The following ABCC2 variants were observed in gnomAD, a reference collection of about 807,000 sequenced individuals.
ABCC2 encodes ATP binding cassette subfamily C member 2.
A neutral mutation model predicts 173.4 loss-of-function variants in ABCC2; 157 were observed. The ratio of observed to expected loss-of-function variants is 0.91; its 90% confidence interval spans 0.80 to 1.03. The LOEUF (loss-of-function observed/expected upper bound fraction) is 1.03, where lower values mean the gene tolerates loss of function less well. Ranked by LOEUF, ABCC2 falls within the 50% of genes least tolerant of loss-of-function variation. ABCC2 has a pLI of 0.00. For missense variants in ABCC2, 1,822 were observed against 1,852.3 expected (o/e 0.98, Z 0.30); for synonymous variants, 657 against 693.5 (o/e 0.95, Z 0.83).
rs763375000 is a variant in ABCC2 at position 99,842,015 on chromosome 10, T to G, written c.3663T>G (p.Phe1221Leu). 6.2e-7 allele frequency: 1 copy of G among 1,614,228 alleles called. No homozygotes were observed. The highest frequency in any genetic ancestry group is 1.1e-5 in the South Asian group (1 of 91,084). ...TGGTTGGGAACCTGACTGTCTTCTT[T>G]TCAGCCTTGATGATGGTTATTTATA... ...LELVGNLTVF[F>L]SALMMVIYRD... The change falls in exon 26 of 32, where the codon TTT becomes TTG. Residue 1221 changes from phenylalanine to leucine, a missense_variant. By Grantham distance (22) the Phe-to-Leu change is conservative. Transcript: ENST00000647814.
rs1241190949 is a variant in ABCC2 at position 99,842,200 on chromosome 10, G to A, written c.3741+107G>A. On this transcript the variant is annotated intron_variant, in intron 26 of 31. Coordinates refer to ENST00000647814, the MANE Select transcript of ABCC2 (RefSeq NM_000392.5). Reference sequence around the variant, plus strand: ...TCTTGATTCCTTCTTAAACCCAGAGGGACTAAAGAAGACTGAGGTTCAAAC... The same window carrying A: ...TCTTGATTCCTTCTTAAACCCAGAGAGACTAAAGAAGACTGAGGTTCAAAC... The A allele has an allele frequency of 2.6e-6, 4 of 1,521,564 alleles. No individual in the cohort carries two copies. In the East Asian group the frequency reaches 9.1e-5, roughly 34 times the overall value. The allele number at this position is 1,521,564 out of a possible 1,614,324, so 94.3% of individuals were successfully genotyped here. A position where few individuals can be genotyped will look rare whatever the true frequency, so the allele number is the denominator to read the frequency against.
At chr10:99,792,162 C>A (rs1275349079) in intron 2 of ABCC2, 72 bp from the exon 3 acceptor site, 2 of 1,598,058 alleles carry the variant, frequency 1.3e-6, no homozygotes, top group South Asian at 1.1e-5. Context: ...TATCCATCAC[C>A]GGAAACCATT....
chr10:99,817,080 C>T (rs1198157194), intron 16 of ABCC2, among the ~76,000 whole-genome samples: 5 of 152,088 alleles, frequency 3.3e-5, no homozygotes, highest in Admixed American at 2.0e-4. Context: ...GGCTGAAAAA[C>T]GATAGTCCAA....
intron 4 of ABCC2, 35 bp downstream of exon 4, chr10:99,793,720 A>C: frequency 6.2e-7 from 1 of 1,613,770 alleles, no homozygotes; most frequent in Non-Finnish European, 8.5e-7. Context: ...ATGAGGAGGT[A>C]CCATGGGGCA....
intron 11 of ABCC2, among the ~76,000 whole-genome samples, chr10:99,806,077 C>CTCTCTGTGTGTGTGTGTGTGTG (rs10644836): frequency 3.2e-4 from 48 of 148,146 alleles, no homozygotes; most frequent in African/African-American, 1.2e-3. Context: ...CTCTCTCTGT[C>CTCTCTGTGTGTGTGTGTGTGTG]TGTGTGTGTG....
intron 3 of ABCC2, 126 bp downstream of exon 3, chr10:99,792,485 G>C: frequency 6.9e-7 from 1 of 1,442,928 alleles, no homozygotes. Flanking sequence ...TCCATAGTGA[G>C]GCAAAGCTTG....
rs1272618565 is a variant in ABCC2, at chr10:99,836,200, C to T, written c.3524C>T (p.Ala1175Val). 4 of 1,614,092 alleles carry T rather than the reference C, an allele frequency of 2.5e-6. No individual in the cohort carries two copies. Among genetic ancestry groups the T allele is most frequent in the Admixed American group, 3.3e-5 (2 of 60,002 alleles). Residue 1175 changes from alanine (A) to valine (V), a missense_variant, in exon 25 of 32, where the codon GCC becomes GTC. Coordinates refer to ENST00000647814, the MANE Select transcript of ABCC2 (RefSeq NM_000392.5). ...ETVSGLPVIRAFEHQQRFLKH... is the reference protein window; with the variant it reads ...ETVSGLPVIRVFEHQQRFLKH... ...GTATCAGGTTTGCCAGTTATCCGTG[C>T]CTTTGAGCACCAGCAGCGATTTCTG... is the stretch of plus-strand genomic sequence containing the variant.
rs1674661129 is a variant in ABCC2 at position 99,852,446 on chromosome 10, T to TA, written c.*818dup. On this transcript the variant is annotated 3_prime_UTR_variant, in exon 32 of 32. Transcript: ENST00000647814. ...GGCATTTGCATTTCCACTTGTTTTTTAAATATTGTGTCTGATAATTCCAAT... is the reference window on the plus strand; with the variant it reads ...GGCATTTGCATTTCCACTTGTTTTTTAAAATATTGTGTCTGATAATTCCAAT... Among the ~76,000 whole-genome samples the TA allele has an allele frequency of 6.6e-6, 1 of 152,262 alleles. No homozygotes were observed. Among genetic ancestry groups the TA allele is most frequent in the African/African-American group, 2.4e-5 (1 of 41,474 alleles).
At chr10:99,819,838 A>G (rs1345083030) in intron 19 of ABCC2, among the ~76,000 whole-genome samples, 1 of 152,186 alleles carries the variant, frequency 6.6e-6, no homozygotes. Context: ...TATCACCACC[A>G]TTGGGTTCAC....
At chr10:99,847,160 A>G in intron 30 of ABCC2, 33 bp downstream of exon 30, 3 of 1,612,286 alleles carry the variant, frequency 1.9e-6, no homozygotes, top group South Asian at 2.2e-5. Flanking sequence ...CCCTGCAGGC[A>G]ATGAGAGGAT....
At chr10:99,820,654 G>A (rs563857487) in intron 19 of ABCC2, among the ~76,000 whole-genome samples, 4 of 152,180 alleles carry the variant, frequency 2.6e-5, no homozygotes, top group East Asian at 1.9e-4. Flanking sequence ...AGGAGAAGGC[G>A]GGAACAAAGA....
At chr10:99,784,472 C>G in intron 1 of ABCC2, 136 bp from the exon 2 acceptor site, 1 of 956,272 alleles carries the variant, frequency 1.0e-6, no homozygotes, top group Non-Finnish European at 1.7e-6. Context: ...TAGGAAAATA[C>G]GGATAGTTAA....
chr10:99,796,656 G>A (rs1270151584), intron 6 of ABCC2, among the ~76,000 whole-genome samples: 1 of 152,148 alleles, frequency 6.6e-6, no homozygotes, highest in Non-Finnish European at 1.5e-5. Flanking sequence ...CTGCACTCCA[G>A]CCTGGGCAAC....
chr10:99,814,582 TATATACAC>T (rs2038341932), intron 16 of ABCC2, among the ~76,000 whole-genome samples: 1 of 109,312 alleles, frequency 9.1e-6, no homozygotes, highest in Non-Finnish European at 2.0e-5. Flanking sequence ...CACATATGTG[TATATACAC>T]ATATACACAC....
chr10:99,840,249 G>GGGC (rs2038912561), intron 25 of ABCC2, among the ~76,000 whole-genome samples: 2 of 138,234 alleles, frequency 1.4e-5, no homozygotes, highest in Non-Finnish European at 3.2e-5. Context: ...CCCGGCGGTC[G>GGGC]GGCGGCGGCG....
At chr10:99,824,581 A>G (rs1382223293) in intron 19 of ABCC2, among the ~76,000 whole-genome samples, 6 of 150,428 alleles carry the variant, frequency 4.0e-5, no homozygotes, top group Admixed American at 2.6e-4. Context: ...AACACTTTCC[A>G]CTGAAACCTG....
rs1249870132 is a variant in ABCC2 at position 99,830,792 on chromosome 10, G to A, written c.2824G>A (p.Asp942Asn). The A allele has an allele frequency of 5.0e-6, 8 of 1,614,020 alleles. No individual in the cohort carries two copies. The highest frequency in any genetic ancestry group is 1.3e-5 in the African/African-American group (1 of 74,926). The change falls in exon 21 of 32, where the codon GAC becomes AAC. Residue 942 changes from aspartate (D) to asparagine (N), a missense_variant. Transcript: ENST00000647814. The part of the protein sequence containing the change: ...KTRNVNSLKE[D>N]EELVKGQKLI... ...TCGGAATGTGAATAGCCTGAAGGAAGACGAAGAACTAGTGAAAGGACAAAA... is the reference window on the plus strand; with the variant it reads ...TCGGAATGTGAATAGCCTGAAGGAAAACGAAGAACTAGTGAAAGGACAAAA...
intron 30 of ABCC2, among the ~76,000 whole-genome samples, chr10:99,848,805 G>A (rs1444019849): frequency 6.6e-6 from 1 of 152,186 alleles, no homozygotes; most frequent in Non-Finnish European, 1.5e-5. Flanking sequence ...GTAGCCCCAG[G>A]GAACAAGCCC....
chr10:99,820,370 A>C (rs2133084374), intron 19 of ABCC2, among the ~76,000 whole-genome samples: 1 of 144,852 alleles, frequency 6.9e-6, no homozygotes, highest in Middle Eastern at 3.5e-3. Context: ...CAGCCTGGGC[A>C]ACAAGAGTGA....
Sources: allele counts gnomAD v4.1 joint callset (sites outside exome capture counted in the v4.1 genomes callset), GRCh38; gene constraint gnomAD v4.1.1; transcripts MANE v1.5; gene names NCBI Gene and HGNC (gene_info 2026-07-23, HGNC 2026-07-21).